The following BPIFB1 variants were observed in gnomAD, a reference collection of about 807,000 sequenced individuals.
BPIFB1 encodes BPI fold containing family B member 1.
Under a neutral mutation model 55.1 loss-of-function variants are expected in BPIFB1, and 34 were observed. That is an observed-to-expected ratio of 0.62 (90% CI 0.47 to 0.82). The LOEUF is 0.82. Among genes scored for constraint, BPIFB1 ranks in the 40% least tolerant of loss-of-function variants. The pLI is 0.00. For missense variants in BPIFB1, 532 were observed against 593.1 expected (o/e 0.90, Z 1.07); for synonymous variants, 236 against 245.3 (o/e 0.96, Z 0.35).
At chr20:33,308,313 T>C (rs996268256) in intron 15 of BPIFB1, among the ~76,000 whole-genome samples, 18 of 151,982 alleles carry the variant, frequency 1.2e-4, no homozygotes, top group Non-Finnish European at 4.4e-5. Flanking sequence ...CTAAACCATA[T>C]CAGATGTCAA....
chr20:33,285,667 G>A (rs1339328864), intron 1 of BPIFB1, among the ~76,000 whole-genome samples: 14 of 149,174 alleles, frequency 9.4e-5, no homozygotes, highest in African/African-American at 2.8e-4. Flanking sequence ...GCAGTGAGCC[G>A]AGATGGCACC....
At chr20:33,303,244 A>G (rs769182100) in intron 11 of BPIFB1, among the ~76,000 whole-genome samples, 170 bp downstream of exon 11, 8 of 152,132 alleles carry the variant, frequency 5.3e-5, no homozygotes, top group Non-Finnish European at 1.0e-4. Context: ...TCCAATTCTA[A>G]CCCTGTGACT....
chr20:33,304,112 G>A (rs919091377), intron 12 of BPIFB1, 87 bp downstream of exon 12: 1 of 1,260,610 alleles, frequency 7.9e-7, no homozygotes, highest in South Asian at 1.3e-5. Flanking sequence ...CCGACTTTGT[G>A]GCTGTCAGGT....
chr20:33,305,097 G>A (rs568320638), intron 13 of BPIFB1, among the ~76,000 whole-genome samples: 5 of 152,102 alleles, frequency 3.3e-5, no homozygotes, highest in East Asian at 1.9e-4. Context: ...ACACACACAC[G>A]CACACACAAA....
At chr20:33,303,255 T>C (rs1980914877) in intron 11 of BPIFB1, among the ~76,000 whole-genome samples, 181 bp downstream of exon 11, 1 of 152,170 alleles carries the variant, frequency 6.6e-6, no homozygotes, top group African/African-American at 2.4e-5. Flanking sequence ...CCCTGTGACT[T>C]TCTTAGTCAG....
chr20:33,308,533 CAT>C (rs1427046440), intron 15 of BPIFB1, among the ~76,000 whole-genome samples: 2 of 147,334 alleles, frequency 1.4e-5, no homozygotes, highest in Admixed American at 6.7e-5. Flanking sequence ...TATACACATA[CAT>C]ACACACACAC....
rs774641798 is a variant in BPIFB1, at chr20:33,302,397, G to A, written c.966G>A (p.Gly322=). The A allele has an allele frequency of 1.6e-5, 26 of 1,613,842 alleles. No individual in the cohort carries two copies. The highest frequency in any genetic ancestry group is 4.5e-5 in the East Asian group (2 of 44,842). Residue 322 remains glycine (G), a synonymous_variant, in exon 10 of 16, where the codon GGG becomes GGA. Coordinates refer to ENST00000253354, the MANE Select transcript of BPIFB1 (RefSeq NM_033197.3). The stretch of plus-strand genomic sequence containing the variant: ...CCCATCGGCTGAAGTCAAGCATCGG[G>A]CTGATCAATGAAAAGGTTGGTCTGT... ...ESAHRLKSSI[G]LINEKAADKL...
intron 11 of BPIFB1, among the ~76,000 whole-genome samples, 155 bp downstream of exon 11, chr20:33,303,229 G>C (rs1251929324): frequency 2.6e-5 from 4 of 152,216 alleles, no homozygotes; most frequent in African/African-American, 7.2e-5. Flanking sequence ...CAGGAGCTTT[G>C]TGGGTCCAAT....
rs188575048 is a variant in BPIFB1, at chr20:33,292,335, C to T, written c.597+347C>T. 1.2e-3 allele frequency among the ~76,000 whole-genome samples: 177 copies of T among 152,162 alleles called. 1 individual carries two copies. The highest frequency in any genetic ancestry group is 5.8e-3 in the South Asian group (28 of 4,812). On this transcript the variant is annotated intron_variant, in intron 6 of 15. Coordinates refer to ENST00000253354, the MANE Select transcript of BPIFB1 (RefSeq NM_033197.3). ...TACTCCCTTCAGGGCCAATTTTAGGCGACCAGTGTGATGTCACTGAACAGA... is the reference window on the plus strand; with the variant it reads ...TACTCCCTTCAGGGCCAATTTTAGGTGACCAGTGTGATGTCACTGAACAGA...
intron 6 of BPIFB1, among the ~76,000 whole-genome samples, 187 bp from the exon 7 acceptor site, chr20:33,297,338 A>G (rs908980289): frequency 1.7e-4 from 26 of 152,230 alleles, no homozygotes; most frequent in African/African-American, 6.3e-4. Context: ...AACCACTGCA[A>G]AAGGTCCCAG....
chr20:33,288,645 G>A, intron 2 of BPIFB1, 96 bp from the exon 3 acceptor site: 1 of 1,455,094 alleles, frequency 6.9e-7, no homozygotes, highest in Admixed American at 1.9e-5. Context: ...TTACCTCAGG[G>A]AGCCTCGAGT....
chr20:33,291,516 T>G (rs1409096000), intron 5 of BPIFB1, among the ~76,000 whole-genome samples: 1 of 152,192 alleles, frequency 6.6e-6, no homozygotes, highest in Admixed American at 6.5e-5. Flanking sequence ...ACCCGTAAAG[T>G]GCAGGTAATG....
At position 33,289,962 on chromosome 20, in the gene BPIFB1, T is replaced by C; in HGVS notation, c.335T>C (p.Ile112Thr). Reference protein sequence around the residue: ...SANDQELLVKIPLDMVAGFNT... With the variant: ...SANDQELLVKTPLDMVAGFNT... ...AATGACCAGGAGCTGCTAGTCAAGA[T>C]CCCCCTGGACATGGTGGCTGGATTC... Residue 112 changes from isoleucine (I) to threonine (T), a missense_variant, in exon 4 of 16, where the codon ATC (isoleucine) becomes ACC (threonine). By Grantham distance (89) the Ile-to-Thr change is moderately conservative (BLOSUM62 -1). Coordinates refer to ENST00000253354, the MANE Select transcript of BPIFB1 (RefSeq NM_033197.3). 1 of 1,613,972 alleles carries C rather than the reference T, an allele frequency of 6.2e-7. No homozygotes were observed. Among genetic ancestry groups the C allele is most frequent in the Non-Finnish European group, 8.5e-7 (1 of 1,179,984 alleles).
At chr20:33,288,632 G>A (rs1980346720) in intron 2 of BPIFB1, 109 bp from the exon 3 acceptor site, 46 of 1,330,090 alleles carry the variant, frequency 3.5e-5, no homozygotes, top group Non-Finnish European at 4.5e-5. Context: ...CTACACCCTC[G>A]CCTTACCTCA....
At chr20:33,308,710 A>G (rs1188753931) in intron 15 of BPIFB1, among the ~76,000 whole-genome samples, 2 of 150,352 alleles carry the variant, frequency 1.3e-5, no homozygotes, top group Non-Finnish European at 2.9e-5. Context: ...ACACCTTTAT[A>G]CACCTATACA....
At chr20:33,288,281 C>T (rs929888060) in intron 2 of BPIFB1, among the ~76,000 whole-genome samples, 4 of 152,208 alleles carry the variant, frequency 2.6e-5, no homozygotes, top group Non-Finnish European at 4.4e-5. Flanking sequence ...TTCCTCTGCT[C>T]AGCACTTGAG....
At chr20:33,299,394 G>A (rs1980770257) in intron 7 of BPIFB1, among the ~76,000 whole-genome samples, 1 of 152,244 alleles carries the variant, frequency 6.6e-6, no homozygotes, top group South Asian at 2.1e-4. Flanking sequence ...GATGTTACCA[G>A]GCCTCTGGCT....
At chr20:33,286,871 G>A (rs1429184695) in intron 2 of BPIFB1, among the ~76,000 whole-genome samples, 1 of 152,218 alleles carries the variant, frequency 6.6e-6, no homozygotes, top group African/African-American at 2.4e-5. Flanking sequence ...ATATCTCTTA[G>A]GGGACAAAAT....
At chr20:33,294,047 C>T (rs1280554562) in intron 6 of BPIFB1, among the ~76,000 whole-genome samples, 1 of 152,116 alleles carries the variant, frequency 6.6e-6, no homozygotes, top group African/African-American at 2.4e-5. Context: ...CTCTAATAAG[C>T]TGGAGTTATG....
Sources: gnomAD v4.1 joint callset for allele counts (sites outside exome capture counted in the v4.1 genomes callset) on GRCh38, gnomAD v4.1.1 for gene constraint, MANE v1.5 for transcripts, NCBI Gene and HGNC (gene_info 2026-07-23, HGNC 2026-07-21) for gene names.